The following RHPN2 variants were observed in gnomAD, a reference collection of about 807,000 sequenced individuals.
The protein encoded by RHPN2 is rhophilin Rho GTPase binding protein 2.
In RHPN2, 40 loss-of-function variants were observed where a neutral mutation model predicts 79.0. The ratio of observed to expected loss-of-function variants is 0.51; its 90% CI spans 0.39 to 0.66. The LOEUF is 0.66. RHPN2 is among the 30% of genes least tolerant of loss of function. The pLI is 0.00. For synonymous variants in RHPN2, 285 were observed against 363.5 expected, an observed-to-expected ratio of 0.78 and a Z score of 2.46; for missense variants, 686 against 883.5, an observed-to-expected ratio of 0.78 and a Z score of 2.83.
chr19:33,000,226 T>G (rs1971738461), intron 9 of RHPN2, among the ~76,000 whole-genome samples: 1 of 151,082 alleles, frequency 6.6e-6, no homozygotes, highest in African/African-American at 2.4e-5. Context: ...TCATAATTTT[T>G]TTTTTTTTTT....
chr19:33,043,078 C>CAA (rs572111653), intron 2 of RHPN2, among the ~76,000 whole-genome samples: 18,991 of 135,636 alleles, frequency 0.14, 1,603 homozygotes, highest in East Asian at 0.3. Flanking sequence ...GACTCCGTCT[C>CAA]AAAAAAAAAA....
chr19:32,981,698 T>C (rs1599803276), intron 14 of RHPN2, among the ~76,000 whole-genome samples: 1 of 145,746 alleles, frequency 6.9e-6, no homozygotes, highest in South Asian at 2.1e-4. Flanking sequence ...TTTCTTTTTT[T>C]TCTTTTTCCT....
chr19:32,992,438 GC>G (rs1971668061), intron 12 of RHPN2, among the ~76,000 whole-genome samples: 1 of 152,064 alleles, frequency 6.6e-6, no homozygotes, highest in Non-Finnish European at 1.5e-5. Flanking sequence ...TGATCCGCCC[GC>G]CTCAGCCTCC....
At chr19:33,042,601 C>T (rs1723095656) in intron 2 of RHPN2, among the ~76,000 whole-genome samples, 1 of 152,208 alleles carries the variant, frequency 6.6e-6, no homozygotes, top group African/African-American at 2.4e-5. Context: ...AAACTTCCCA[C>T]CCAGGACCTC....
intron 7 of RHPN2, among the ~76,000 whole-genome samples, chr19:33,006,821 T>A (rs1392892278): frequency 6.6e-6 from 1 of 152,138 alleles, no homozygotes; most frequent in Non-Finnish European, 1.5e-5. Context: ...ATACTAAGAT[T>A]ACCTGAGGTC....
chr19:33,043,576 G>A (rs59666019), intron 2 of RHPN2, among the ~76,000 whole-genome samples: 3,551 of 152,156 alleles, frequency 0.023, 130 homozygotes, highest in African/African-American at 0.081. Flanking sequence ...AAGGCGGCAC[G>A]GGGCTAACCA....
intron 14 of RHPN2, among the ~76,000 whole-genome samples, chr19:32,990,099 C>T (rs1296153822): frequency 7.8e-5 from 10 of 127,936 alleles, no homozygotes; most frequent in Admixed American, 1.5e-4. Flanking sequence ...AGCGAGACTC[C>T]GTCTCAAAAA....
chr19:33,044,970 G>A (rs1035429680), intron 1 of RHPN2, among the ~76,000 whole-genome samples: 1 of 151,816 alleles, frequency 6.6e-6, no homozygotes, highest in Admixed American at 6.6e-5. Context: ...CTACCCATGG[G>A]CCAGCCCAAT....
rs749982365 is a variant in RHPN2 at position 33,011,803 on chromosome 19, C to T, written c.469G>A (p.Ala157Thr). The T allele has an allele frequency of 4.3e-6, 7 of 1,613,852 alleles. No homozygotes were observed. The highest frequency in any genetic ancestry group is 5.9e-6 in the Non-Finnish European group (7 of 1,179,868). ...TCATCCCGGCTAGGCGTCCGACAAG[C>T]CTGCAAGGAAAAGAACCCAAGAGGG... ...EIADLMDLRQ[A>T]CRTPSRDEAG... Residue 157 changes from alanine (A) to threonine (T), a missense_variant and splice_region_variant, in exon 6 of 15, where the codon GCT (alanine) becomes ACT (threonine). Transcript: ENST00000254260.
chr19:32,998,327 C>T (rs1321239126), intron 10 of RHPN2, among the ~76,000 whole-genome samples: 3 of 152,134 alleles, frequency 2.0e-5, no homozygotes, highest in Non-Finnish European at 4.4e-5. Flanking sequence ...AAGGGATTTG[C>T]TAATCAAATG....
intron 1 of RHPN2, among the ~76,000 whole-genome samples, chr19:33,050,924 TTTGGA>T (rs776475699): frequency 2.5e-4 from 38 of 152,278 alleles, no homozygotes; most frequent in Middle Eastern, 3.4e-3. Context: ...CCAAAGTTAT[TTTGGA>T]TTAAATTTTC....
At chr19:32,992,855 C>T (rs1046814506) in intron 12 of RHPN2, among the ~76,000 whole-genome samples, 2 of 150,374 alleles carry the variant, frequency 1.3e-5, no homozygotes, top group African/African-American at 4.9e-5. Flanking sequence ...AGGCCAGGCA[C>T]AGTGGCTCAT....
chr19:33,054,424 T>A (rs1972215413), intron 1 of RHPN2, among the ~76,000 whole-genome samples: 2 of 151,960 alleles, frequency 1.3e-5, no homozygotes, highest in Admixed American at 1.3e-4. Flanking sequence ...GGTCTCGAAC[T>A]CCTGACCTCA....
At chr19:33,027,966 G>C (rs1428861726) in intron 2 of RHPN2, among the ~76,000 whole-genome samples, 1 of 152,040 alleles carries the variant, frequency 6.6e-6, no homozygotes, top group Non-Finnish European at 1.5e-5. Flanking sequence ...GCCCACTTTT[G>C]CTATTTCTAA....
intron 12 of RHPN2, 90 bp from the exon 13 acceptor site, chr19:32,992,059 A>G (rs1599808307): frequency 6.8e-7 from 1 of 1,463,574 alleles, no homozygotes; most frequent in East Asian, 2.3e-5. Flanking sequence ...GTCCTTGAAG[A>G]TCTCACTTGG....
chr19:33,011,297 T>C (rs532264125), intron 6 of RHPN2, among the ~76,000 whole-genome samples: 3 of 152,202 alleles, frequency 2.0e-5, no homozygotes, highest in African/African-American at 7.2e-5. Flanking sequence ...TAAGACCTGA[T>C]TTTCTCTCTC....
Position 33,064,881 on chromosome 19 carries a change from G to T in RHPN2, c.-29C>A, listed in dbSNP as rs751133823. 12 of 1,486,580 alleles carry T rather than the reference G, an allele frequency of 8.1e-6. No homozygotes were observed. The African/African-American group carries it at 1.6e-4, about 20-fold the overall frequency. 92.1% of individuals were successfully genotyped at this position (1,486,580 alleles called of 1,614,324 possible). A position where few individuals can be genotyped will look rare whatever the true frequency, so the allele number is the denominator to read the frequency against. ...AGCGGCGCGGGCGCGGAGGGCGGAC[G>T]GCGGACTGAGGCGCGGCGGCTGAGG... On this transcript the variant is annotated 5_prime_UTR_variant, in exon 1 of 15. Transcript: ENST00000254260.
intron 6 of RHPN2, among the ~76,000 whole-genome samples, chr19:33,011,061 T>C (rs1971831745): frequency 6.6e-6 from 1 of 152,188 alleles, no homozygotes; most frequent in Admixed American, 6.6e-5. Context: ...TGCCTGATCT[T>C]GTCTGAAAAT....
intron 4 of RHPN2, among the ~76,000 whole-genome samples, chr19:33,017,374 C>CA (rs202014908): frequency 4.7e-4 from 69 of 145,904 alleles, no homozygotes; most frequent in Admixed American, 1.8e-3. Context: ...AACTCCATCT[C>CA]AAAAAAAAAA....
Sources: gnomAD v4.1 joint callset for allele counts (sites outside exome capture counted in the v4.1 genomes callset) on GRCh38, gnomAD v4.1.1 for gene constraint, MANE v1.5 for transcripts, NCBI Gene and HGNC (gene_info 2026-07-23, HGNC 2026-07-21) for gene names.